Variants in CLASP1 observed in about 807,000 individuals in gnomAD.
CLASP1 encodes CLIP-associating protein 1.
A neutral mutation model predicts 192.3 loss-of-function variants in CLASP1; 38 were observed. That is an observed-to-expected ratio of 0.20 (90% CI 0.15 to 0.26). The LOEUF (loss-of-function observed/expected upper bound fraction) is 0.26. Among genes scored for constraint, CLASP1 ranks in the 10% least tolerant of loss-of-function variants. The probability of loss-of-function intolerance (pLI) is 1.00; values close to 1 mark genes in which losing one functional copy is unlikely to be tolerated. For synonymous variants in CLASP1, 691 were observed against 712.8 expected (o/e 0.97, Z 0.49); for missense variants, 1,433 against 1,932.5 (o/e 0.74, Z 4.85).
At chr2:121,525,888 A>G (rs374473983) in exon 6 of CLASP1, 1 of 1,613,466 alleles carries the variant, frequency 6.2e-7, no homozygotes, top group African/African-American at 1.3e-5. Context: ...ATGTGGCACA[A>G]TCTTGCTTAG....
At chr2:121,619,752 A>G (rs1273872773) in intron 1 of CLASP1, among the ~76,000 whole-genome samples, 3 of 152,024 alleles carry the variant, frequency 2.0e-5, no homozygotes, top group African/African-American at 4.8e-5. Flanking sequence ...TTTTCATTCT[A>G]TTTTTTCTCC....
intron 8 of CLASP1, among the ~76,000 whole-genome samples, chr2:121,472,963 G>T (rs1282896982): frequency 1.3e-5 from 2 of 152,152 alleles, no homozygotes; most frequent in African/African-American, 4.8e-5. Flanking sequence ...TATCTGATTT[G>T]CCAAAACAAA....
At chr2:121,519,316 C>A (rs2094403118) in intron 6 of CLASP1, among the ~76,000 whole-genome samples, 2 of 152,114 alleles carry the variant, frequency 1.3e-5, no homozygotes, top group Non-Finnish European at 2.9e-5. Flanking sequence ...ACAGGCCAGG[C>A]AGTGACATGA....
At chr2:121,471,616 C>G (rs904627146) in intron 8 of CLASP1, among the ~76,000 whole-genome samples, 1 of 151,906 alleles carries the variant, frequency 6.6e-6, no homozygotes, top group African/African-American at 2.4e-5. Flanking sequence ...CCCCAATGCT[C>G]CCTAAAACTC....
intron 2 of CLASP1, among the ~76,000 whole-genome samples, chr2:121,576,611 C>T (rs1035242391): frequency 1.3e-5 from 2 of 152,124 alleles, no homozygotes; most frequent in African/African-American, 4.8e-5. Flanking sequence ...TCTGACATGG[C>T]TTGAAAGGGC....
intron 37 of CLASP1, among the ~76,000 whole-genome samples, chr2:121,356,056 G>GAATTTTAGCACAAA (rs2065324154): frequency 6.6e-6 from 1 of 152,010 alleles, no homozygotes; most frequent in Non-Finnish European, 1.5e-5. Flanking sequence ...TTAGCACAAA[G>GAATTTTAGCACAAA]TTTTCAAAAT....
intron 31 of CLASP1, among the ~76,000 whole-genome samples, chr2:121,387,462 C>CA (rs1406625235): frequency 6.6e-6 from 1 of 151,918 alleles, no homozygotes; most frequent in Non-Finnish European, 1.5e-5. Context: ...GCTAGAGTGA[C>CA]AGACAAAATT....
In CLASP1 at chr2:121,382,202, T is replaced by G. The variant is rs766921852; in HGVS notation, c.3491+6A>C. 1.3e-6 allele frequency: 2 copies of G among 1,596,272 alleles called. No individual in the cohort carries two copies. Among genetic ancestry groups the G allele is most frequent in the South Asian group, 2.3e-5 (2 of 88,302 alleles). On this transcript the variant is annotated splice_donor_region_variant and intron_variant, in intron 33 of 39. Transcript: ENST00000263710. The stretch of plus-strand genomic sequence containing the variant: ...CCTCAGACAAGTTTGACAGGTAGCT[T>G]GTTACCTGGGAGAGTAAGAGCGCCT...
At chr2:121,415,409 G>C (rs1480479334) in intron 23 of CLASP1, among the ~76,000 whole-genome samples, 2 of 152,180 alleles carry the variant, frequency 1.3e-5, no homozygotes, top group African/African-American at 4.8e-5. Flanking sequence ...GGCAGTAACA[G>C]TTAAGAGCAA....
intron 32 of CLASP1, among the ~76,000 whole-genome samples, chr2:121,383,374 C>T (rs1197592165): frequency 6.6e-6 from 1 of 152,226 alleles, no homozygotes; most frequent in Non-Finnish European, 1.5e-5. Flanking sequence ...TAAAGACACA[C>T]TGGTCTCTGT....
At position 121,370,394 on chromosome 2, in the gene CLASP1, C is replaced by T. The variant is rs529731188; in HGVS notation, c.3643-2563G>A. Among the ~76,000 whole-genome samples the T allele has an allele frequency of 1.8e-3, 269 of 152,184 alleles. 1 individual carries two copies. The highest frequency in any genetic ancestry group is 2.9e-3 in the Non-Finnish European group (194 of 67,986). ...GGCTGGAGTGTAAATGGTGCAATCT[C>T]GGCTCACTGCAACCTCCGCCTTCTA... On this transcript the variant is annotated intron_variant, in intron 34 of 39. Transcript: ENST00000263710.
intron 7 of CLASP1, among the ~76,000 whole-genome samples, chr2:121,507,817 A>G (rs1033381516): frequency 6.6e-6 from 1 of 152,238 alleles, no homozygotes; most frequent in Non-Finnish European, 1.5e-5. Context: ...AAAAAGGTCA[A>G]TATCTGATTT....
chr2:121,610,575 AGAGGAACTGGAGAAGGAGGAG>A (rs2065172242), intron 1 of CLASP1, among the ~76,000 whole-genome samples: 1 of 116,860 alleles, frequency 8.6e-6, no homozygotes, highest in South Asian at 3.1e-4. Flanking sequence ...TACAGGAGGA[AGAGGAACTGGAGAAGGAGGAG>A]GAGGAGTTGC....
intron 37 of CLASP1, among the ~76,000 whole-genome samples, chr2:121,349,309 C>T (rs1473598884): frequency 1.3e-5 from 2 of 152,140 alleles, no homozygotes; most frequent in Non-Finnish European, 2.9e-5. Flanking sequence ...GCCCCAGCAG[C>T]AGTGCTGGGA....
At chr2:121,535,507 A>G (rs1006653410) in intron 2 of CLASP1, among the ~76,000 whole-genome samples, 4 of 152,242 alleles carry the variant, frequency 2.6e-5, no homozygotes, top group African/African-American at 9.6e-5. Flanking sequence ...GAAAAAATCC[A>G]GAATAAAGTA....
chr2:121,448,283 T>C (rs531001514), exon 18 of CLASP1: 10 of 1,613,412 alleles, frequency 6.2e-6, no homozygotes, highest in Admixed American at 1.7e-5. Context: ...CACCTCTAGA[T>C]GTGGTACTTC....
At chr2:121,361,850 T>TAA (rs2066470599) in intron 37 of CLASP1, among the ~76,000 whole-genome samples, 1 of 152,198 alleles carries the variant, frequency 6.6e-6, no homozygotes. Flanking sequence ...CAAGCCAGAT[T>TAA]TTGGAAACCC....
At chr2:121,536,301 A>T (rs975238227) in intron 2 of CLASP1, among the ~76,000 whole-genome samples, 4 of 147,640 alleles carry the variant, frequency 2.7e-5, no homozygotes, top group Non-Finnish European at 4.4e-5. Flanking sequence ...GAATCGCATG[A>T]ACCTGGGAGG....
At chr2:121,463,641 C>T (rs2088647519) in intron 9 of CLASP1, among the ~76,000 whole-genome samples, 1 of 152,126 alleles carries the variant, frequency 6.6e-6, no homozygotes, top group Non-Finnish European at 1.5e-5. Context: ...CAACAACAGT[C>T]CCTGAGCCTA....
Sources: gnomAD v4.1 joint callset for allele counts (sites outside exome capture counted in the v4.1 genomes callset) on GRCh38, gnomAD v4.1.1 for gene constraint, MANE v1.5 for transcripts, NCBI Gene and HGNC (gene_info 2026-07-23, HGNC 2026-07-21) for gene names.